The following SYT12 variants were observed in gnomAD, a reference collection of about 807,000 sequenced individuals.
SYT12 encodes synaptotagmin-12.
In SYT12, 27 loss-of-function variants were observed where a neutral mutation model predicts 39.5. That is an observed-to-expected ratio of 0.68 (90% CI 0.50 to 0.94). The LOEUF (loss-of-function observed/expected upper bound fraction) is 0.94. Ranked by LOEUF, SYT12 falls within the 40% of genes least tolerant of loss-of-function variation. The probability of loss-of-function intolerance (pLI) is 0.00; values close to 1 mark genes in which losing one functional copy is unlikely to be tolerated. For missense variants in SYT12, 536 were observed against 572.6 expected (o/e 0.94, Z 0.65); for synonymous variants, 233 against 239.7 (o/e 0.97, Z 0.26).
intron 3 of SYT12, among the ~76,000 whole-genome samples, chr11:67,036,102 G>A (rs185930739): frequency 2.6e-5 from 4 of 151,202 alleles, no homozygotes; most frequent in East Asian, 3.9e-4. Context: ...ATTTTTTGTA[G>A]AGACGGGGTT....
intron 1 of SYT12, among the ~76,000 whole-genome samples, chr11:67,007,981 T>C (rs1253436): frequency 0.033 from 4,902 of 148,492 alleles, 273 homozygotes; most frequent in African/African-American, 0.11. Flanking sequence ...TAAGACAGAG[T>C]CTCGCTCTGT....
intron 2 of SYT12, chr11:67,032,718 A>G (rs1444056101): frequency 6.6e-6 from 1 of 152,310 alleles, no homozygotes; most frequent in Admixed American, 6.5e-5. Flanking sequence ...AGCCTGGCCA[A>G]TATGGTGGAA....
intron 1 of SYT12, among the ~76,000 whole-genome samples, chr11:67,023,750 C>A (rs1296518469): frequency 6.6e-6 from 1 of 152,254 alleles, no homozygotes; most frequent in Admixed American, 6.5e-5. Context: ...CCACGCTGCA[C>A]ACACGCCCCT....
intron 3 of SYT12, among the ~76,000 whole-genome samples, chr11:67,011,239 CTTTCT>C (rs1199781253): frequency 1.3e-5 from 2 of 152,120 alleles, no homozygotes; most frequent in East Asian, 1.9e-4. Context: ...TTAACTTTGA[CTTTCT>C]TTTCTTTTTT....
chr11:67,008,196 C>T (rs774314396), intron 1 of SYT12, among the ~76,000 whole-genome samples: 8 of 152,114 alleles, frequency 5.3e-5, no homozygotes, highest in Admixed American at 1.3e-4. Flanking sequence ...TCACGTGATC[C>T]GCCTGCCTCA....
intron 4 of SYT12, 77 bp downstream of exon 4, chr11:67,040,280 C>G: frequency 6.6e-7 from 1 of 1,508,746 alleles, no homozygotes. Context: ...GGCGGTGGGG[C>G]CCGGCAGGAT....
chr11:67,045,504 C>T (rs1048481151), intron 6 of SYT12: 14 of 552,092 alleles, frequency 2.5e-5, no homozygotes, highest in East Asian at 6.5e-5. Flanking sequence ...AGGAGGGGAG[C>T]GCGTGGGCTG....
intron 2 of SYT12, 59 bp downstream of exon 2, chr11:67,030,237 T>A: frequency 6.3e-7 from 1 of 1,586,336 alleles, no homozygotes; most frequent in Non-Finnish European, 8.6e-7. Context: ...ACACCAGGCC[T>A]GGGTGGGAGG....
rs1164663862 is a variant in SYT12, at chr11:67,035,624, A to AT, written c.228+792dup. 4.0e-5 allele frequency among the ~76,000 whole-genome samples: 6 copies of AT among 149,768 alleles called. No individual in the cohort carries two copies. In the East Asian group the frequency reaches 1.2e-3, roughly 30 times the overall value. ...AGGCACCCGCCACCATGCCCAGCTAATTTTTTGTATTTTTAGTAGAGACGG... is the reference window on the plus strand; with the variant it reads ...AGGCACCCGCCACCATGCCCAGCTAATTTTTTTGTATTTTTAGTAGAGACGG... On this transcript the variant is annotated intron_variant, in intron 3 of 7. Coordinates refer to ENST00000527043, the MANE Select transcript of SYT12 (RefSeq NM_177963.4).
At chr11:67,036,080 A>G (rs1187832896) in intron 3 of SYT12, among the ~76,000 whole-genome samples, 1 of 150,266 alleles carries the variant, frequency 6.7e-6, no homozygotes. Flanking sequence ...ATGCCTAGCT[A>G]ATTTTTTTTT....
chr11:67,025,911 A>C (rs1358388757), intron 1 of SYT12, among the ~76,000 whole-genome samples: 1 of 152,030 alleles, frequency 6.6e-6, no homozygotes, highest in African/African-American at 2.4e-5. Flanking sequence ...GGCTACAGGA[A>C]TGACTGCCAG....
upstream of SYT12, among the ~76,000 whole-genome samples, chr11:67,018,238 G>A (rs1347918007): frequency 6.6e-6 from 1 of 152,046 alleles, no homozygotes; most frequent in African/African-American, 2.4e-5. Flanking sequence ...ACTCCAGCCT[G>A]GGGGACAAGA....
At chr11:67,022,447 G>A (rs1014300263), upstream of SYT12, among the ~76,000 whole-genome samples, 1 of 152,164 alleles carries the variant, frequency 6.6e-6, no homozygotes, top group African/African-American at 2.4e-5. Flanking sequence ...CCCTCCCAGT[G>A]CAAGCCGTGC....
chr11:67,046,700 G>A (rs1213574786), intron 7 of SYT12, among the ~76,000 whole-genome samples: 5 of 152,146 alleles, frequency 3.3e-5, no homozygotes, highest in Non-Finnish European at 5.9e-5. Flanking sequence ...GCCTCTCCCT[G>A]GGTGTCATAG....
At chr11:67,039,542 A>T (rs1950457199) in intron 3 of SYT12, among the ~76,000 whole-genome samples, 1 of 152,164 alleles carries the variant, frequency 6.6e-6, no homozygotes, top group Non-Finnish European at 1.5e-5. Flanking sequence ...TGAACCCTGG[A>T]TGCAGAGGTT....
At chr11:67,045,313 G>T (rs1950596432) in intron 6 of SYT12, among the ~76,000 whole-genome samples, 2 of 152,254 alleles carry the variant, frequency 1.3e-5, no homozygotes, top group African/African-American at 4.8e-5. Context: ...CTCCAGGCAG[G>T]TGCGGCAAGG....
chr11:67,045,199 A>G, intron 6 of SYT12, among the ~76,000 whole-genome samples: 1 of 145,832 alleles, frequency 6.9e-6, no homozygotes, highest in East Asian at 2.1e-4. Context: ...CAAAGCAGTG[A>G]CCGTGGAGGC....
At chr11:67,008,740 G>A (rs1392292409) in intron 1 of SYT12, among the ~76,000 whole-genome samples, 1 of 152,004 alleles carries the variant, frequency 6.6e-6, no homozygotes, top group Admixed American at 6.6e-5. Flanking sequence ...TGTAGAGACG[G>A]GGTTTCAACC....
Position 67,048,682 on chromosome 11 carries a change from A to T in SYT12, c.1191A>T (p.Gly397=). 6.2e-7 allele frequency: 1 copy of T among 1,612,752 alleles called. No homozygotes were observed. Among genetic ancestry groups the T allele is most frequent in the Non-Finnish European group, 8.5e-7 (1 of 1,179,050 alleles). The change falls in exon 8 of 8, where the codon GGA becomes GGT. Residue 397 remains glycine (G), a synonymous_variant. Coordinates refer to ENST00000527043, the MANE Select transcript of SYT12 (RefSeq NM_177963.4). ...TTGGGCCGTCAGCCAGTGGCATGGG[A>T]ACCACACATTGGAACCAGATGTTGG... is the stretch of plus-strand genomic sequence containing the variant. The part of the protein sequence containing the change: ...VIIGPSASGM[G]TTHWNQMLAT...
Sources: allele counts gnomAD v4.1 joint callset (sites outside exome capture counted in the v4.1 genomes callset), GRCh38; gene constraint gnomAD v4.1.1; transcripts MANE v1.5; gene names NCBI Gene and HGNC (gene_info 2026-07-23, HGNC 2026-07-21).